The following PANK2 variants were observed in gnomAD, a reference collection of about 807,000 sequenced individuals.
PANK2 encodes the protein pantothenate kinase 2, mitochondrial.
Under a neutral mutation model 43.1 loss-of-function variants are expected in PANK2, and 36 were observed. The ratio of observed to expected loss-of-function variants is 0.84; its 90% CI spans 0.64 to 1.10. The LOEUF is 1.10. PANK2 is among the 50% of genes least tolerant of loss of function. The probability of loss-of-function intolerance (pLI) is 0.00; values close to 1 mark genes in which losing one functional copy is unlikely to be tolerated. For missense variants in PANK2, 576 were observed against 593.3 expected, an observed-to-expected ratio of 0.97 and a Z score of 0.30; for synonymous variants, 281 against 238.2, an observed-to-expected ratio of 1.18 and a Z score of -1.66.
chr20:3,900,850 C>T (rs1568562013), intron 1 of PANK2, among the ~76,000 whole-genome samples: 2 of 151,810 alleles, frequency 1.3e-5, no homozygotes, highest in South Asian at 4.2e-4. Context: ...CTCACTGCAA[C>T]CTCTGCCTCC....
rs57042549 is a variant in PANK2 at position 3,913,790 on chromosome 20, ATTTT to A, written c.1082+1169_1082+1172del. Among the ~76,000 whole-genome samples the A allele has an allele frequency of 7.3e-3, 1,012 of 138,454 alleles. 15 individuals are homozygous for A. Among genetic ancestry groups the A allele is most frequent in the African/African-American group, 0.026 (956 of 36,922 alleles). The allele number at this position is 138,454 out of a possible 152,430, so 90.8% of individuals were successfully genotyped here. A position where few individuals can be genotyped will look rare whatever the true frequency, so the allele number is the denominator to read the frequency against. On this transcript the variant is annotated intron_variant, in intron 4 of 6. Transcript: ENST00000610179. Reference sequence around the variant, plus strand: ...CACACACACACATATATATATATATATTTTTTTTTTTTTTTTGAGACGGAGTCTT... The same window carrying A: ...CACACACACACATATATATATATATATTTTTTTTTTTTGAGACGGAGTCTT...
chr20:3,905,496 G>A lies in PANK2; in HGVS notation c.299-2430G>A, dbSNP rs1276947428. ...TGAGTAGCTGGGACTACAGGCGCCCGCCACCACGCCCGGCTAATTTTTTTG... is the reference window on the plus strand; with the variant it reads ...TGAGTAGCTGGGACTACAGGCGCCCACCACCACGCCCGGCTAATTTTTTTG... On this transcript the variant is annotated intron_variant, in intron 1 of 6. Coordinates refer to ENST00000610179, the MANE Select transcript of PANK2 (RefSeq NM_001386393.1). Among the ~76,000 whole-genome samples the A allele has an allele frequency of 7.3e-5, 11 of 151,522 alleles. No individual in the cohort carries two copies. In the East Asian group the frequency reaches 1.8e-3, roughly 24 times the overall value.
At chr20:3,904,133 T>C (rs1425476891) in intron 1 of PANK2, among the ~76,000 whole-genome samples, 2 of 151,938 alleles carry the variant, frequency 1.3e-5, no homozygotes, top group East Asian at 3.9e-4. Flanking sequence ...AATGGAATAA[T>C]ATAGTATGTA....
intron 6 of PANK2, among the ~76,000 whole-genome samples, chr20:3,922,139 A>T (rs1410328772): frequency 6.6e-6 from 1 of 152,222 alleles, no homozygotes; most frequent in African/African-American, 2.4e-5. Flanking sequence ...AGAGACTTTT[A>T]AAAAATCCAT....
chr20:3,903,663 C>T (rs1174474169), intron 1 of PANK2, among the ~76,000 whole-genome samples: 7 of 148,600 alleles, frequency 4.7e-5, no homozygotes, highest in Non-Finnish European at 6.0e-5. Context: ...AGTCTCACTC[C>T]GTTGCCCAGG....
At chr20:3,916,313 C>G (rs2090559234) in intron 4 of PANK2, among the ~76,000 whole-genome samples, 1 of 152,182 alleles carries the variant, frequency 6.6e-6, no homozygotes, top group South Asian at 2.1e-4. Flanking sequence ...TGTATACATG[C>G]TTGTTTACTA....
chr20:3,894,310 G>T (rs2090170496), intron 1 of PANK2, among the ~76,000 whole-genome samples: 2 of 151,624 alleles, frequency 1.3e-5, no homozygotes, highest in Admixed American at 6.6e-5. Context: ...GCGTGATCTC[G>T]GCTCACCACA....
rs192726755 is a variant in PANK2, at chr20:3,923,736, G to A, written c.*442G>A. ...TGGCAATCATCTGTGCATTACTCTGGTTTGCATTAAGCCTGTGTGTGAACT... is the reference window on the plus strand; with the variant it reads ...TGGCAATCATCTGTGCATTACTCTGATTTGCATTAAGCCTGTGTGTGAACT... On this transcript the variant is annotated 3_prime_UTR_variant, in exon 7 of 7. Coordinates refer to ENST00000610179, the MANE Select transcript of PANK2 (RefSeq NM_001386393.1). 3 of 197,438 alleles carry A rather than the reference G, an allele frequency of 1.5e-5. No homozygotes were observed. Among genetic ancestry groups the A allele is most frequent in the Non-Finnish European group, 3.2e-5 (3 of 93,948 alleles). 12.2% of individuals were successfully genotyped at this position (197,438 alleles called of 1,614,324 possible).
chr20:3,890,380 A>G (rs1316709308), intron 1 of PANK2, among the ~76,000 whole-genome samples: 1 of 152,154 alleles, frequency 6.6e-6, no homozygotes, highest in Non-Finnish European at 1.5e-5. Flanking sequence ...TTTTGAGGGG[A>G]AACAACATCT....
upstream of PANK2, chr20:3,889,308 G>C: frequency 6.2e-7 from 1 of 1,600,598 alleles, no homozygotes; most frequent in Non-Finnish European, 8.5e-7. Context: ...CGAGGCCTTT[G>C]GGCCGTCCCC....
chr20:3,900,151 TA>T (rs1360977322), intron 1 of PANK2, among the ~76,000 whole-genome samples: 1 of 151,932 alleles, frequency 6.6e-6, no homozygotes, highest in Non-Finnish European at 1.5e-5. Context: ...TCCAGGCATT[TA>T]TTTTAGTCAT....
Position 3,889,483 on chromosome 20 carries a change from G to T in PANK2, c.53G>T (p.Arg18Leu). ...CTGCTGCTGCGGATGGGAGGGGGCC[G>T]GCTCGGCGCGCCCATGGAGCGCCAC... The change falls in exon 1 of 7, where the codon CGG (arginine) becomes CTG (leucine). Residue 18 changes from arginine to leucine, a missense_variant. Physicochemically the swap from Arg to Leu is moderately radical, Grantham distance 102. Around this residue, in one of 2 missense-constraint regions of PANK2, gnomAD observed 544 missense variants for 528.9 expected, o/e 1.03. Transcript: ENST00000610179. 6.7e-7 allele frequency: 1 copy of T among 1,488,862 alleles called. No individual in the cohort carries two copies. 92.2% of individuals were successfully genotyped at this position (1,488,862 alleles called of 1,614,324 possible).
intron 3 of PANK2, among the ~76,000 whole-genome samples, chr20:3,911,821 C>G (rs572312037): frequency 3.8e-4 from 57 of 151,286 alleles, no homozygotes; most frequent in African/African-American, 1.3e-3. Flanking sequence ...AACCAGGAGG[C>G]AAAGGTTGCG....
chr20:3,916,665 A>G (rs2090564706), intron 4 of PANK2, among the ~76,000 whole-genome samples: 1 of 152,168 alleles, frequency 6.6e-6, no homozygotes, highest in Non-Finnish European at 1.5e-5. Context: ...TGAGATTCTA[A>G]CTGAATATGT....
chr20:3,917,240 T>C (rs1036909244), intron 5 of PANK2, among the ~76,000 whole-genome samples, 190 bp downstream of exon 5: 21 of 151,984 alleles, frequency 1.4e-4, no homozygotes, highest in African/African-American at 4.6e-4. Context: ...AAGATAAACA[T>C]TGCTACTTGT....
intron 1 of PANK2, among the ~76,000 whole-genome samples, chr20:3,898,984 C>T (rs1020562506): frequency 4.0e-5 from 6 of 150,856 alleles, no homozygotes; most frequent in African/African-American, 1.5e-4. Flanking sequence ...AAGTGATTCT[C>T]CTGCCTTAGC....
At position 3,892,903 on chromosome 20, in the gene PANK2, A is replaced by T. The variant is rs115855672; in HGVS notation, c.298+3175A>T. On this transcript the variant is annotated intron_variant, in intron 1 of 6. Transcript: ENST00000610179. The stretch of plus-strand genomic sequence containing the variant: ...AGAATCCCTAGCGATGAGGCTAGGC[A>T]TGTGTATATTTAAGTTCTTCAAAAG... Among the ~76,000 whole-genome samples, 1,372 of 152,154 alleles carry T rather than the reference A, an allele frequency of 9.0e-3. 25 individuals carry two copies. The highest frequency in any genetic ancestry group is 0.031 in the African/African-American group (1,304 of 41,500).
At chr20:3,889,815 C>T in intron 1 of PANK2, 87 bp downstream of exon 1, 1 of 1,510,404 alleles carries the variant, frequency 6.6e-7, no homozygotes, top group Non-Finnish European at 8.8e-7. Flanking sequence ...CGCCGTTTTT[C>T]CCGCGCGCGG....
At chr20:3,920,201 T>G (rs1285670776) in intron 6 of PANK2, among the ~76,000 whole-genome samples, 1 of 133,422 alleles carries the variant, frequency 7.5e-6, no homozygotes. Context: ...TGGAGATTAG[T>G]TTTTTAAGTT....
Sources: gnomAD v4.1 joint callset for allele counts (sites outside exome capture counted in the v4.1 genomes callset) on GRCh38, gnomAD v4.1.1 for gene constraint, gnomAD v4.1.1 regional missense constraint, MANE v1.5 for transcripts, NCBI Gene and HGNC (gene_info 2026-07-23, HGNC 2026-07-21) for gene names.